CCDC30: variants seen among roughly 807,000 people sequenced by gnomAD.
The protein encoded by CCDC30 is coiled-coil domain-containing protein 30.
CCDC30 carries 70 observed loss-of-function variants against 100.2 expected under a neutral mutation model. The ratio of observed to expected loss-of-function variants is 0.70; its 90% CI spans 0.58 to 0.85. CCDC30 has a LOEUF of 0.85. Ranked by LOEUF, CCDC30 falls within the 40% of genes least tolerant of loss-of-function variation. CCDC30 has a pLI of 0.00. For synonymous variants in CCDC30, 233 were observed against 269.5 expected (o/e 0.86, Z 1.33); for missense variants, 652 against 771.2 (o/e 0.85, Z 1.83).
exon 10 of CCDC30, chr1:42,589,339 C>A: frequency 6.2e-7 from 1 of 1,607,136 alleles, no homozygotes; most frequent in Non-Finnish European, 8.5e-7. Context: ...TATATCAGAA[C>A]GTAGATGAGT....
At chr1:42,621,579 T>G (rs1294931975) in intron 11 of CCDC30, among the ~76,000 whole-genome samples, 1 of 152,104 alleles carries the variant, frequency 6.6e-6, no homozygotes, top group African/African-American at 2.4e-5. Context: ...TGGCGTGATC[T>G]CTGCTCACTG....
chr1:42,651,462 G>T (rs12040361), intron 15 of CCDC30, among the ~76,000 whole-genome samples: 15,006 of 150,404 alleles, frequency 0.1, 975 homozygotes, highest in East Asian at 0.3. Flanking sequence ...ATGGACAACA[G>T]ATATATGAAA....
At chr1:42,461,381 G>T (rs749521595), upstream of CCDC30, among the ~76,000 whole-genome samples, 1 of 152,156 alleles carries the variant, frequency 6.6e-6, no homozygotes, top group Non-Finnish European at 1.5e-5. Context: ...AGTCACCCAG[G>T]TTGGAGTGCA....
At position 42,635,605 on chromosome 1, in the gene CCDC30, T is replaced by A. The variant is rs529100631; in HGVS notation, c.1278-1632T>A. 3.7e-4 allele frequency among the ~76,000 whole-genome samples: 56 copies of A among 151,642 alleles called. 1 individual carries two copies. The East Asian group carries it at 8.3e-3, about 22-fold the overall frequency. The stretch of plus-strand genomic sequence containing the variant: ...CGGGCAGATCACGAGGTCAGGAGAT[T>A]GAGACCATCCTGACTAACACGGTGA... On this transcript the variant is annotated intron_variant, in intron 11 of 16. Coordinates refer to ENST00000668663, the Ensembl canonical transcript of CCDC30.
chr1:42,474,763 G>A (rs183373889), intron 1 of CCDC30, among the ~76,000 whole-genome samples: 256 of 152,224 alleles, frequency 1.7e-3, no homozygotes, highest in African/African-American at 4.9e-3. Context: ...CTCCAAAGTG[G>A]GAGAATAATA....
chr1:42,513,561 C>G (rs1024010530), intron 6 of CCDC30, among the ~76,000 whole-genome samples: 1 of 152,164 alleles, frequency 6.6e-6, no homozygotes, highest in Non-Finnish European at 1.5e-5. Context: ...CCGGCATTCA[C>G]CTGTGCAAGT....
intron 1 of CCDC30, among the ~76,000 whole-genome samples, chr1:42,467,336 A>G (rs887218613): frequency 2.6e-5 from 4 of 152,236 alleles, no homozygotes; most frequent in African/African-American, 9.6e-5. Context: ...GGTTGCTATT[A>G]TACTAAATTG....
At chr1:42,552,803 G>C (rs892164967) in intron 6 of CCDC30, among the ~76,000 whole-genome samples, 3 of 152,114 alleles carry the variant, frequency 2.0e-5, no homozygotes, top group Admixed American at 6.5e-5. Context: ...ATTGTGCTAG[G>C]TGGTGGCCTC....
At chr1:42,632,149 C>CAGA (rs1647050026) in intron 11 of CCDC30, among the ~76,000 whole-genome samples, 1 of 152,142 alleles carries the variant, frequency 6.6e-6, no homozygotes, top group Non-Finnish European at 1.5e-5. Flanking sequence ...AGTATCGCTG[C>CAGA]TGGTTACTCA....
At chr1:42,544,815 G>A (rs957405502) in intron 6 of CCDC30, among the ~76,000 whole-genome samples, 7 of 151,984 alleles carry the variant, frequency 4.6e-5, no homozygotes, top group African/African-American at 1.2e-4. Flanking sequence ...CCAAGACTGC[G>A]CTTTTAATAA....
chr1:42,566,387 A>G (rs375673893), exon 7 of CCDC30: 1 of 1,613,886 alleles, frequency 6.2e-7, no homozygotes, highest in Non-Finnish European at 8.5e-7. Context: ...ATTCTATGCA[A>G]CTCAGCTGAA....
chr1:42,491,219 C>T (rs368024547), intron 4 of CCDC30, among the ~76,000 whole-genome samples: 3 of 152,254 alleles, frequency 2.0e-5, no homozygotes, highest in Admixed American at 6.5e-5. Flanking sequence ...TAGCAGTCAA[C>T]ATGACCTAAT....
chr1:42,563,971 T>A (rs1304549043), intron 6 of CCDC30, among the ~76,000 whole-genome samples: 1 of 152,144 alleles, frequency 6.6e-6, no homozygotes, highest in Non-Finnish European at 1.5e-5. Context: ...AAAAGCATAT[T>A]GTGTTTAGAT....
intron 1 of CCDC30, among the ~76,000 whole-genome samples, chr1:42,472,343 A>G (rs180935165): frequency 6.6e-6 from 1 of 152,334 alleles, no homozygotes; most frequent in East Asian, 1.9e-4. Context: ...TCATACTGCA[A>G]ACTGTTATGT....
At chr1:42,633,835 A>C (rs1379635353) in intron 11 of CCDC30, among the ~76,000 whole-genome samples, 1 of 152,208 alleles carries the variant, frequency 6.6e-6, no homozygotes, top group Non-Finnish European at 1.5e-5. Context: ...TGGGCAATTT[A>C]TAAAGGAAAG....
At chr1:42,540,448 GAGA>G (rs1283472283) in intron 6 of CCDC30, among the ~76,000 whole-genome samples, 1 of 152,120 alleles carries the variant, frequency 6.6e-6, no homozygotes, top group Non-Finnish European at 1.5e-5. Flanking sequence ...GAGCTGAAAT[GAGA>G]AGAATATAAT....
At chr1:42,603,355 A>T (rs951831363) in intron 10 of CCDC30, among the ~76,000 whole-genome samples, 2 of 151,870 alleles carry the variant, frequency 1.3e-5, no homozygotes, top group African/African-American at 4.8e-5. Flanking sequence ...TGACTTAATC[A>T]CCTCCCAAAG....
At position 42,470,522 on chromosome 1, in the gene CCDC30, A is replaced by G. The variant is rs143022269; in HGVS notation, c.-92+6624A>G. On this transcript the variant is annotated intron_variant, in intron 1 of 16. Transcript: ENST00000668663. ...ATACTTTTACACCAGTGTTCATAGC[A>G]GCATCATTCACAATAGTTGAAAGGT... Among the ~76,000 whole-genome samples, 794 of 152,374 alleles carry G rather than the reference A, an allele frequency of 5.2e-3. 8 individuals carry two copies. Among genetic ancestry groups the G allele is most frequent in the African/African-American group, 0.018 (767 of 41,582 alleles).
At chr1:42,625,036 T>A (rs1326066927) in intron 11 of CCDC30, among the ~76,000 whole-genome samples, 1 of 148,818 alleles carries the variant, frequency 6.7e-6, no homozygotes, top group Non-Finnish European at 1.5e-5. Flanking sequence ...CTGGGGGACT[T>A]TTTTTTATGG....
Sources: gnomAD v4.1 joint callset for allele counts (sites outside exome capture counted in the v4.1 genomes callset) on GRCh38, gnomAD v4.1.1 for gene constraint, MANE v1.5 for transcripts, NCBI Gene and HGNC (gene_info 2026-07-23, HGNC 2026-07-21) for gene names.